The following NRXN1 variants were observed in gnomAD, a reference collection of about 807,000 sequenced individuals.
NRXN1 encodes neurexin-1.
In NRXN1, 39 loss-of-function variants were observed where a neutral mutation model predicts 150.9. The ratio of observed to expected loss-of-function variants is 0.26; its 90% CI spans 0.20 to 0.34. NRXN1 has a LOEUF of 0.34. Ranked by LOEUF, NRXN1 falls within the 10% of genes least tolerant of loss-of-function variation. The pLI is 1.00. For missense variants in NRXN1, 1,815 were observed against 1,949.9 expected (o/e 0.93, Z 1.30); for synonymous variants, 924 against 757.0 (o/e 1.22, Z -3.62).
chr2:50,864,271 G>A (rs1159754112), intron 5 of NRXN1, among the ~76,000 whole-genome samples: 1 of 151,952 alleles, frequency 6.6e-6, no homozygotes, highest in African/African-American at 2.4e-5. Flanking sequence ...AGCAAAATCA[G>A]ACATGTATCT....
At chr2:50,294,620 G>A (rs117798347) in intron 17 of NRXN1, among the ~76,000 whole-genome samples, 2,409 of 152,240 alleles carry the variant, frequency 0.016, 30 homozygotes, top group East Asian at 0.028. Flanking sequence ...TCCAGCCTGG[G>A]GTGGAGAGGA....
At chr2:50,625,101 G>A (rs1352326056) in intron 5 of NRXN1, 10 of 151,936 alleles carry the variant, frequency 6.6e-5, no homozygotes. Context: ...GCCCCCGAGA[G>A]GGTTGATACA....
rs35104751 is a variant in NRXN1 at position 49,992,386 on chromosome 2, CA to C, written c.4129-48596del. Among the ~76,000 whole-genome samples, 94 of 142,164 alleles carry C rather than the reference CA, an allele frequency of 6.6e-4. 1 individual carries two copies. Among genetic ancestry groups the C allele is most frequent in the South Asian group, 1.4e-3 (6 of 4,398 alleles). 93.3% of individuals were successfully genotyped at this position (142,164 alleles called of 152,430 possible). On this transcript the variant is annotated intron_variant, in intron 21 of 22. Coordinates refer to ENST00000401669, the MANE Select transcript of NRXN1 (RefSeq NM_001330078.2). Reference sequence around the variant, plus strand: ...AACTCCGTCTCTACTAAAATACAAACAAAAAAAAAACACCCCAAAAACAAAC... The same window carrying C: ...AACTCCGTCTCTACTAAAATACAAACAAAAAAAAACACCCCAAAAACAAAC...
intron 17 of NRXN1, among the ~76,000 whole-genome samples, chr2:50,255,435 G>A (rs1420481764): frequency 6.6e-6 from 1 of 152,158 alleles, no homozygotes; most frequent in Non-Finnish European, 1.5e-5. Context: ...AATCAGACAT[G>A]GGGCAGGTAA....
intron 2 of NRXN1, among the ~76,000 whole-genome samples, chr2:50,975,331 T>C (rs1392214289): frequency 2.0e-5 from 3 of 152,130 alleles, no homozygotes; most frequent in Admixed American, 6.6e-5. Flanking sequence ...GTCCAAAAAG[T>C]TTGAGAACTG....
intron 17 of NRXN1, among the ~76,000 whole-genome samples, chr2:50,292,597 T>TA (rs2073073053): frequency 1.3e-5 from 2 of 152,164 alleles, no homozygotes; most frequent in South Asian, 4.1e-4. Context: ...GGATCAAGAC[T>TA]AAAATAGTAC....
chr2:50,649,251 T>TACACATACACACACACACACACAC (rs1284650257), intron 5 of NRXN1, among the ~76,000 whole-genome samples: 3 of 79,646 alleles, frequency 3.8e-5, no homozygotes, highest in African/African-American at 1.4e-4. Flanking sequence ...TATACACACA[T>TACACATACACACACACACACACAC]ACACACATAC....
At chr2:50,951,356 T>A (rs1273324387) in intron 2 of NRXN1, among the ~76,000 whole-genome samples, 1 of 152,164 alleles carries the variant, frequency 6.6e-6, no homozygotes, top group Non-Finnish European at 1.5e-5. Context: ...CGTCCCATAA[T>A]GCAAAGGACA....
chr2:50,737,631 T>C (rs928588573), intron 5 of NRXN1, among the ~76,000 whole-genome samples: 5 of 152,162 alleles, frequency 3.3e-5, no homozygotes, highest in African/African-American at 7.2e-5. Flanking sequence ...TTTTTTTTAA[T>C]GTTAATAATC....
intron 17 of NRXN1, among the ~76,000 whole-genome samples, chr2:50,398,407 G>C (rs2082180550): frequency 6.6e-6 from 1 of 152,000 alleles, no homozygotes; most frequent in African/African-American, 2.4e-5. Context: ...TGTTATTCAA[G>C]CATTGGAATC....
rs2152996801 is a variant in NRXN1, at chr2:50,346,071, T to C, written c.3365-109101A>G. ...CATGCCTGCGAAGGGCTGGCCCGCATTAAAGGGGATGACTCGGTTGCCCTC... is the reference window on the plus strand; with the variant it reads ...CATGCCTGCGAAGGGCTGGCCCGCACTAAAGGGGATGACTCGGTTGCCCTC... On this transcript the variant is annotated intron_variant, in intron 17 of 22. Transcript: ENST00000401669. The surrounding 1 kb of genome is among the most constrained non-coding windows in gnomAD (Gnocchi z 5.0). Among the ~76,000 whole-genome samples, 1 of 152,278 alleles carries C rather than the reference T, an allele frequency of 6.6e-6. No individual in the cohort carries two copies. Among genetic ancestry groups the C allele is most frequent in the South Asian group, 2.1e-4 (1 of 4,816 alleles).
At chr2:50,219,519 C>G (rs2063648904) in intron 18 of NRXN1, among the ~76,000 whole-genome samples, 1 of 151,782 alleles carries the variant, frequency 6.6e-6, no homozygotes, top group African/African-American at 2.4e-5. Flanking sequence ...TATTGAGGTA[C>G]TTACATTTTT....
At chr2:50,326,025 T>A (rs545501756) in intron 17 of NRXN1, among the ~76,000 whole-genome samples, 10 of 152,318 alleles carry the variant, frequency 6.6e-5, no homozygotes, top group African/African-American at 2.4e-4. Context: ...ATATATTTTT[T>A]AAAAAGAAGT....
chr2:50,740,452 G>A (rs1033256124), intron 5 of NRXN1, among the ~76,000 whole-genome samples: 2 of 152,174 alleles, frequency 1.3e-5, no homozygotes, highest in East Asian at 3.9e-4. Context: ...CCAATATGCT[G>A]AAGATGGCAG....
chr2:50,408,714 T>C (rs1403757080), intron 17 of NRXN1, among the ~76,000 whole-genome samples: 1 of 152,174 alleles, frequency 6.6e-6, no homozygotes, highest in Admixed American at 6.5e-5. Context: ...ATTTACATTC[T>C]ACACCTGACT....
At chr2:50,978,275 T>C (rs1410983809) in intron 2 of NRXN1, among the ~76,000 whole-genome samples, 6 of 25,350 alleles carry the variant, frequency 2.4e-4, no homozygotes, top group African/African-American at 5.6e-4. Context: ...ATTATACATA[T>C]ATATATATAT....
At chr2:50,212,669 G>A (rs1404451534) in intron 18 of NRXN1, among the ~76,000 whole-genome samples, 1 of 151,800 alleles carries the variant, frequency 6.6e-6, no homozygotes, top group Non-Finnish European at 1.5e-5. Context: ...GGCAGAGGAG[G>A]AGCATTCTTA....
intron 18 of NRXN1, among the ~76,000 whole-genome samples, chr2:50,188,584 G>C (rs2061239618): frequency 6.6e-6 from 1 of 151,908 alleles, no homozygotes; most frequent in Admixed American, 6.6e-5. Context: ...GAGTGAATAG[G>C]TAACCTACAG....
At chr2:50,770,730 C>A (rs1702912494) in intron 5 of NRXN1, among the ~76,000 whole-genome samples, 1 of 151,692 alleles carries the variant, frequency 6.6e-6, no homozygotes, top group African/African-American at 2.4e-5. Flanking sequence ...ATTCATGAGT[C>A]CATTCTTCAT....
Sources: allele counts gnomAD v4.1 joint callset (sites outside exome capture counted in the v4.1 genomes callset), GRCh38; gene constraint gnomAD v4.1.1; non-coding constraint Gnocchi (gnomAD v3.1); transcripts MANE v1.5; gene names NCBI Gene and HGNC (gene_info 2026-07-23, HGNC 2026-07-21).